Variants in SMAGP observed in about 807,000 individuals in gnomAD.
SMAGP encodes the protein small cell transmembrane and glycosylated protein.
SMAGP carries 7 observed loss-of-function variants against 10.1 expected under a neutral mutation model. The ratio of observed to expected loss-of-function variants is 0.70; its 90% CI spans 0.40 to 1.31. The LOEUF is 1.31. Ranked by LOEUF, SMAGP falls within the 50% of genes most tolerant of loss-of-function variation. The pLI is 0.01. For missense variants in SMAGP, 113 were observed against 116.5 expected (o/e 0.97, Z 0.14); for synonymous variants, 49 against 47.2 (o/e 1.04, Z -0.16).
intron 2 of SMAGP, among the ~76,000 whole-genome samples, chr12:51,249,367 G>T (rs947125726): frequency 1.3e-5 from 2 of 152,152 alleles, no homozygotes; most frequent in Admixed American, 1.3e-4. Context: ...TTGGAGCCTG[G>T]ACTTGTGACT....
intron 2 of SMAGP, 45 bp downstream of exon 2, chr12:51,269,200 T>C (rs745654540): frequency 1.1e-5 from 18 of 1,610,864 alleles, no homozygotes. Flanking sequence ...GAAGGGGATG[T>C]TGAACAATTC....
At chr12:51,253,032 T>C (rs1944854697) in intron 2 of SMAGP, among the ~76,000 whole-genome samples, 1 of 152,086 alleles carries the variant, frequency 6.6e-6, no homozygotes, top group African/African-American at 2.4e-5. Context: ...GTCGGGAACC[T>C]GAAGGGGCCA....
intron 2 of SMAGP, among the ~76,000 whole-genome samples, chr12:51,264,726 G>A (rs537067146): frequency 1.3e-5 from 2 of 151,496 alleles, no homozygotes; most frequent in African/African-American, 4.8e-5. Flanking sequence ...GAGCTCAGGA[G>A]TTTGAGACCA....
chr12:51,270,015 G>GCCCCGCCCCCGT (rs910727120), intron 1 of SMAGP: 2 of 151,636 alleles, frequency 1.3e-5, no homozygotes, highest in African/African-American at 2.4e-5. Flanking sequence ...TCGCCCCGCG[G>GCCCCGCCCCCGT]CCCCGCCCCC....
chr12:51,249,620 T>C (rs1461805247), intron 2 of SMAGP, among the ~76,000 whole-genome samples: 1 of 151,450 alleles, frequency 6.6e-6, no homozygotes, highest in Non-Finnish European at 1.5e-5. Flanking sequence ...AGAACAGTTA[T>C]ACATTTTTTT....
chr12:51,269,381 G>A (rs1945006020), intron 1 of SMAGP, 65 bp from the exon 2 acceptor site: 2 of 1,337,382 alleles, frequency 1.5e-6, no homozygotes, highest in African/African-American at 1.4e-5. Context: ...AGTCCTGGAA[G>A]TCCCAGGAAA....
intron 2 of SMAGP, among the ~76,000 whole-genome samples, chr12:51,256,328 G>A (rs1944883887): frequency 6.6e-6 from 1 of 152,146 alleles, no homozygotes; most frequent in Non-Finnish European, 1.5e-5. Flanking sequence ...GCTCACGCCT[G>A]TAATCTTAGC....
chr12:51,268,283 A>G (rs1944994854), intron 2 of SMAGP, among the ~76,000 whole-genome samples: 1 of 152,100 alleles, frequency 6.6e-6, no homozygotes, highest in South Asian at 2.1e-4. Context: ...GAGATACTAC[A>G]CACTCTTCTA....
intron 2 of SMAGP, among the ~76,000 whole-genome samples, chr12:51,248,426 ACACACACACTCTCTCTCT>A (rs1173235723): frequency 0.013 from 1,438 of 112,092 alleles, 20 homozygotes; most frequent in East Asian, 0.07. Context: ...ACACACACAC[ACACACACACTCTCTCTCT>A]CTCTCTCTCT....
chr12:51,260,818 T>G (rs1249740948), intron 2 of SMAGP, among the ~76,000 whole-genome samples: 1 of 149,264 alleles, frequency 6.7e-6, no homozygotes, highest in Admixed American at 6.8e-5. Flanking sequence ...CCCGAGTAGC[T>G]GGGACTACAG....
At chr12:51,257,862 G>A (rs890540565) in intron 2 of SMAGP, among the ~76,000 whole-genome samples, 1 of 151,946 alleles carries the variant, frequency 6.6e-6, no homozygotes, top group Non-Finnish European at 1.5e-5. Flanking sequence ...TCTAAAGTAA[G>A]ATCTTAACTG....
chr12:51,260,651 T>TA (rs1944924626), intron 2 of SMAGP, among the ~76,000 whole-genome samples: 1 of 149,862 alleles, frequency 6.7e-6, no homozygotes, highest in Non-Finnish European at 1.5e-5. Flanking sequence ...ATGCTGGGAT[T>TA]ACAGGCGTGA....
At chr12:51,269,369 T>C in intron 1 of SMAGP, 53 bp from the exon 2 acceptor site, 1 of 1,466,864 alleles carries the variant, frequency 6.8e-7, no homozygotes, top group Non-Finnish European at 9.5e-7. Context: ...CCTATGGCTT[T>C]GAGTCCTGGA....
At chr12:51,257,640 G>A (rs1251685684) in intron 2 of SMAGP, among the ~76,000 whole-genome samples, 1 of 152,024 alleles carries the variant, frequency 6.6e-6, no homozygotes. Context: ...CTCCTCCCAG[G>A]TTATAATGAT....
At chr12:51,248,219 C>A (rs1266851784) in intron 2 of SMAGP, among the ~76,000 whole-genome samples, 1 of 152,068 alleles carries the variant, frequency 6.6e-6, no homozygotes. Flanking sequence ...TCTTTCCACG[C>A]GGGCCCAGGG....
intron 2 of SMAGP, among the ~76,000 whole-genome samples, chr12:51,254,884 G>A (rs1028145675): frequency 1.3e-5 from 2 of 152,196 alleles, no homozygotes; most frequent in African/African-American, 4.8e-5. Context: ...AGGCCCCTGA[G>A]TGGGAGTAAC....
intron 2 of SMAGP, among the ~76,000 whole-genome samples, chr12:51,250,507 T>TTG (rs1555166829): frequency 1.7e-4 from 16 of 92,680 alleles, no homozygotes; most frequent in Non-Finnish European, 2.4e-4. Context: ...TGTGTTTTTT[T>TTG]TTTGTTTTTT....
chr12:51,250,219 A>C (rs1944823731), intron 2 of SMAGP, among the ~76,000 whole-genome samples: 1 of 150,636 alleles, frequency 6.6e-6, no homozygotes, highest in Non-Finnish European at 1.5e-5. Context: ...AAAAAAAAAA[A>C]AAAAATGTAA....
chr12:51,252,835 A>T (rs1246131540), intron 2 of SMAGP, among the ~76,000 whole-genome samples: 1 of 151,820 alleles, frequency 6.6e-6, no homozygotes, highest in African/African-American at 2.4e-5. Flanking sequence ...AAAGAGAATC[A>T]TTTTTTTGCA....
Sources: gnomAD v4.1 joint callset for allele counts (sites outside exome capture counted in the v4.1 genomes callset) on GRCh38, gnomAD v4.1.1 for gene constraint, MANE v1.5 for transcripts, NCBI Gene and HGNC (gene_info 2026-07-23, HGNC 2026-07-21) for gene names.